NSMCE2: variants seen among roughly 807,000 people sequenced by gnomAD.
NSMCE2 encodes the protein NSE2 SUMO ligase component of SMC5/6 complex.
NSMCE2 carries 24 observed loss-of-function variants against 23.8 expected under a neutral mutation model. The ratio of observed to expected loss-of-function variants is 1.01; its 90% CI spans 0.73 to 1.42. The LOEUF is 1.42. Among genes scored for constraint, NSMCE2 ranks in the 40% most tolerant of loss-of-function variants. The pLI is 0.00. For missense variants in NSMCE2, 284 were observed against 296.5 expected (o/e 0.96, Z 0.31); for synonymous variants, 92 against 94.1 (o/e 0.98, Z 0.13).
intron 1 of NSMCE2, among the ~76,000 whole-genome samples, chr8:125,096,541 GT>G (rs113915534): frequency 1.2e-3 from 104 of 88,938 alleles, no homozygotes; most frequent in Non-Finnish European, 1.4e-3. Flanking sequence ...AGTGTTATTT[GT>G]TTTTTTTTTT....
chr8:125,155,400 C>A lies in NSMCE2; in HGVS notation c.264+4123C>A, dbSNP rs144430416. On this transcript the variant is annotated intron_variant, in intron 4 of 7. Coordinates refer to ENST00000287437, the MANE Select transcript of NSMCE2 (RefSeq NM_173685.4). ...CAGAGTGCCTTAATCAATCCAAAGA[C>A]TTATTGTGAAAATTAGGCCAGAGAA... Among the ~76,000 whole-genome samples, 3 of 152,214 alleles carry A rather than the reference C, an allele frequency of 2.0e-5. No homozygotes were observed. The East Asian group carries it at 5.8e-4, about 29-fold the overall frequency.
chr8:125,295,847 A>G (rs546415148), intron 5 of NSMCE2, among the ~76,000 whole-genome samples: 1 of 152,284 alleles, frequency 6.6e-6, no homozygotes, highest in South Asian at 2.1e-4. Context: ...TGAGCATTCT[A>G]TTGACTAAAA....
intron 3 of NSMCE2, among the ~76,000 whole-genome samples, chr8:125,105,133 T>G (rs1818394105): frequency 6.6e-6 from 1 of 152,224 alleles, no homozygotes; most frequent in African/African-American, 2.4e-5. Context: ...TTTGTCCTAC[T>G]GTCCCACAGC....
At chr8:125,291,118 G>A (rs1253125033) in intron 5 of NSMCE2, among the ~76,000 whole-genome samples, 2 of 152,140 alleles carry the variant, frequency 1.3e-5, no homozygotes, top group Non-Finnish European at 2.9e-5. Flanking sequence ...AGTTAAAAGG[G>A]GGAGAGGGGT....
At chr8:125,221,907 G>T (rs1258947751) in intron 5 of NSMCE2, among the ~76,000 whole-genome samples, 1 of 152,202 alleles carries the variant, frequency 6.6e-6, no homozygotes, top group Non-Finnish European at 1.5e-5. Flanking sequence ...ACCTATAAAT[G>T]AGATGATGTG....
intron 5 of NSMCE2, among the ~76,000 whole-genome samples, chr8:125,249,378 C>A (rs762224929): frequency 8.5e-5 from 13 of 152,176 alleles, no homozygotes; most frequent in Non-Finnish European, 1.6e-4. Context: ...AGCTGACAGT[C>A]CATTTGGAGC....
intron 5 of NSMCE2, among the ~76,000 whole-genome samples, chr8:125,246,293 C>T (rs1316995812): frequency 6.6e-6 from 1 of 151,640 alleles, no homozygotes; most frequent in Admixed American, 6.6e-5. Flanking sequence ...AAGCAATTCT[C>T]CTGCCTCAGC....
chr8:125,324,559 T>G (rs1375356760), intron 5 of NSMCE2, among the ~76,000 whole-genome samples: 1 of 144,546 alleles, frequency 6.9e-6, no homozygotes, highest in Non-Finnish European at 1.5e-5. Context: ...TGTGATTCCA[T>G]TTTGATAAAA....
chr8:125,231,930 G>A (rs941369658), intron 5 of NSMCE2, among the ~76,000 whole-genome samples: 2 of 152,044 alleles, frequency 1.3e-5, no homozygotes, highest in Non-Finnish European at 1.5e-5. Context: ...GTATATGCTG[G>A]CATACTGAAT....
At chr8:125,103,631 A>G (rs1818309319) in intron 3 of NSMCE2, among the ~76,000 whole-genome samples, 2 of 152,092 alleles carry the variant, frequency 1.3e-5, no homozygotes, top group African/African-American at 2.4e-5. Flanking sequence ...ATGGGTTGAT[A>G]TTGTCCCATA....
At chr8:125,318,464 A>G (rs1160633474) in intron 5 of NSMCE2, among the ~76,000 whole-genome samples, 3 of 152,208 alleles carry the variant, frequency 2.0e-5, no homozygotes, top group Admixed American at 2.0e-4. Context: ...TTCTGATAAT[A>G]TTCAGTGTTG....
chr8:125,254,654 TCC>T (rs1826334504), intron 5 of NSMCE2, among the ~76,000 whole-genome samples: 1 of 152,140 alleles, frequency 6.6e-6, no homozygotes, highest in Non-Finnish European at 1.5e-5. Flanking sequence ...TGTAAATTCT[TCC>T]CATTTCTAAC....
chr8:125,360,026 G>C (rs989475195), intron 7 of NSMCE2, among the ~76,000 whole-genome samples: 2 of 152,168 alleles, frequency 1.3e-5, no homozygotes, highest in Non-Finnish European at 2.9e-5. Context: ...TGATTGTGGA[G>C]GTACAGTTAA....
chr8:125,248,642 G>C (rs973425151), intron 5 of NSMCE2, among the ~76,000 whole-genome samples: 4 of 151,754 alleles, frequency 2.6e-5, no homozygotes, highest in African/African-American at 7.3e-5. Flanking sequence ...GACAGAGCAA[G>C]ACTCCATCTC....
At chr8:125,134,869 A>G (rs911654387) in intron 3 of NSMCE2, among the ~76,000 whole-genome samples, 1 of 151,882 alleles carries the variant, frequency 6.6e-6, no homozygotes, top group Non-Finnish European at 1.5e-5. Context: ...TTGGGACTAT[A>G]GGCGTATGCC....
intron 4 of NSMCE2, among the ~76,000 whole-genome samples, chr8:125,153,411 A>G (rs1821147815): frequency 6.6e-6 from 1 of 152,216 alleles, no homozygotes; most frequent in African/African-American, 2.4e-5. Context: ...AGAATAATAA[A>G]TCACAATTTC....
At chr8:125,181,804 C>T (rs1326553308) in intron 4 of NSMCE2, among the ~76,000 whole-genome samples, 1 of 152,038 alleles carries the variant, frequency 6.6e-6, no homozygotes, top group East Asian at 1.9e-4. Flanking sequence ...GTGAAGTTGC[C>T]ACATTTGTGA....
chr8:125,144,692 A>G (rs1215449882), intron 3 of NSMCE2, among the ~76,000 whole-genome samples: 3 of 152,048 alleles, frequency 2.0e-5, no homozygotes, highest in Non-Finnish European at 2.9e-5. Flanking sequence ...TTTTGCCCCT[A>G]GCCTTTCACA....
chr8:125,238,885 A>G (rs1825658547), intron 5 of NSMCE2, among the ~76,000 whole-genome samples: 2 of 152,170 alleles, frequency 1.3e-5, no homozygotes, highest in South Asian at 2.1e-4. Flanking sequence ...TTATTAGTAC[A>G]TATATCAAAT....
Sources: gnomAD v4.1 joint callset for allele counts (sites outside exome capture counted in the v4.1 genomes callset) on GRCh38, gnomAD v4.1.1 for gene constraint, MANE v1.5 for transcripts, NCBI Gene and HGNC (gene_info 2026-07-23, HGNC 2026-07-21) for gene names.